Variants in B3GAT2 observed in about 807,000 individuals in gnomAD.
B3GAT2 encodes beta-1,3-glucuronyltransferase 2, also known as galactosylgalactosylxylosylprotein 3-beta-glucuronosyltransferase 2.
B3GAT2 carries 26 observed loss-of-function variants against 27.8 expected under a neutral mutation model. The observed-to-expected ratio is 0.93, with a 90% CI of 0.68 to 1.30. The LOEUF (loss-of-function observed/expected upper bound fraction) is 1.30, where lower values mean the gene tolerates loss of function less well. Among genes scored for constraint, B3GAT2 ranks in the 50% most tolerant of loss-of-function variants. The pLI is 0.00. For synonymous variants in B3GAT2, 218 were observed against 195.1 expected (o/e 1.12, Z -0.98); for missense variants, 458 against 459.0 (o/e 1.00, Z 0.02).
intron 1 of B3GAT2, among the ~76,000 whole-genome samples, chr6:70,946,488 C>T (rs1329520083): frequency 2.0e-5 from 3 of 151,794 alleles, no homozygotes; most frequent in Non-Finnish European, 4.4e-5. Context: ...CAAAGAAGGC[C>T]GTTACATAAC....
intron 1 of B3GAT2, among the ~76,000 whole-genome samples, chr6:70,929,313 T>A (rs1230776552): frequency 1.3e-5 from 2 of 152,074 alleles, no homozygotes; most frequent in Non-Finnish European, 2.9e-5. Flanking sequence ...AACCTGCACA[T>A]TGTGCACATG....
At chr6:70,932,224 T>C (rs971692257) in intron 1 of B3GAT2, among the ~76,000 whole-genome samples, 2 of 152,248 alleles carry the variant, frequency 1.3e-5, no homozygotes, top group East Asian at 1.9e-4. Context: ...GTAACTGCTA[T>C]GGAAAACAGT....
At chr6:70,871,318 G>A (rs2150023769) in intron 2 of B3GAT2, among the ~76,000 whole-genome samples, 1 of 150,108 alleles carries the variant, frequency 6.7e-6, no homozygotes, top group East Asian at 2.0e-4. Context: ...ATTTTTTGGA[G>A]GATTTGTGAA....
intron 2 of B3GAT2, among the ~76,000 whole-genome samples, chr6:70,886,752 G>A (rs1772193718): frequency 6.6e-6 from 1 of 152,146 alleles, no homozygotes; most frequent in South Asian, 2.1e-4. Context: ...ATGCAGACAG[G>A]ACCAGACACA....
chr6:70,900,745 G>C (rs1042754562), intron 1 of B3GAT2, among the ~76,000 whole-genome samples: 2 of 152,168 alleles, frequency 1.3e-5, no homozygotes, highest in Non-Finnish European at 2.9e-5. Flanking sequence ...AATGCCCTTA[G>C]AGCAAAACAG....
chr6:70,884,441 T>C (rs1429340223), intron 2 of B3GAT2, among the ~76,000 whole-genome samples: 1 of 152,198 alleles, frequency 6.6e-6, no homozygotes, highest in Non-Finnish European at 1.5e-5. Context: ...GTTCAAGCTA[T>C]TACCATCAGA....
chr6:70,899,802 T>C (rs1772464668), intron 1 of B3GAT2, among the ~76,000 whole-genome samples: 3 of 152,190 alleles, frequency 2.0e-5, no homozygotes. Flanking sequence ...TCTATGCTCT[T>C]TGAGGATTCC....
chr6:70,935,170 G>T (rs1352392971), intron 1 of B3GAT2, among the ~76,000 whole-genome samples: 1 of 152,124 alleles, frequency 6.6e-6, no homozygotes, highest in Non-Finnish European at 1.5e-5. Context: ...ACGTGGCCAG[G>T]TGTGGTGGCT....
At chr6:70,954,915 C>CGGGG (rs111472599) in intron 1 of B3GAT2, among the ~76,000 whole-genome samples, 1,918 of 114,690 alleles carry the variant, frequency 0.017, 115 homozygotes, top group Middle Eastern at 0.025. Flanking sequence ...CCGGGGGCGG[C>CGGGG]GGGGGGGGGC....
chr6:70,925,432 GGGACAC>G (rs1772937946), intron 1 of B3GAT2, among the ~76,000 whole-genome samples: 1 of 152,156 alleles, frequency 6.6e-6, no homozygotes. Context: ...CTGGAAACTC[GGGACAC>G]TCCCGCCCTA....
intron 1 of B3GAT2, among the ~76,000 whole-genome samples, chr6:70,913,114 C>A (rs1232539980): frequency 6.6e-6 from 1 of 151,894 alleles, no homozygotes; most frequent in East Asian, 1.9e-4. Context: ...TTCAAAGAAC[C>A]AGCTTCTGGT....
Position 70,956,170 on chromosome 6 carries a change from G to A in B3GAT2, c.260C>T (p.Pro87Leu). 6.2e-7 allele frequency: 1 copy of A among 1,610,044 alleles called. No homozygotes were observed. The highest frequency in any genetic ancestry group is 2.2e-5 in the East Asian group (1 of 44,792). Reference sequence around the variant, plus strand: ...TTTCTGCACCGGGCGGCTGTAGGTGGGCGTGATGGCATAGATGGTGGGCAG... The same window carrying A: ...TTTCTGCACCGGGCGGCTGTAGGTGAGCGTGATGGCATAGATGGTGGGCAG... ...PQLPTIYAITPTYSRPVQKAE... is the reference protein window; with the variant it reads ...PQLPTIYAITLTYSRPVQKAE... The change falls in exon 1 of 4, where the codon CCC (proline) becomes CTC (leucine). Residue 87 changes from proline (P) to leucine (L), a missense_variant. Pro to Leu is a moderately conservative substitution (Grantham distance 98, BLOSUM62 -3). Coordinates refer to ENST00000230053, the MANE Select transcript of B3GAT2 (RefSeq NM_080742.3).
rs75905553 is a variant in B3GAT2, at chr6:70,859,203, C to A, written c.*2460G>T. On this transcript the variant is annotated 3_prime_UTR_variant, in exon 4 of 4. Coordinates refer to ENST00000230053, the MANE Select transcript of B3GAT2 (RefSeq NM_080742.3). Reference sequence around the variant, plus strand: ...TATAGGTAAAACATTGGTCTCTACCCGCTGGGAATCTAAAAAATTGTATGT... The same window carrying A: ...TATAGGTAAAACATTGGTCTCTACCAGCTGGGAATCTAAAAAATTGTATGT... The A allele has an allele frequency of 4.9e-4, 295 of 602,724 alleles. 4 individuals carry two copies. In the African/African-American group the frequency reaches 5.2e-3, roughly 11 times the overall value. The allele number at this position is 602,724 out of a possible 1,614,324, so 37.3% of individuals were successfully genotyped here.
At chr6:70,935,909 C>T (rs1429040456) in intron 1 of B3GAT2, among the ~76,000 whole-genome samples, 1 of 151,770 alleles carries the variant, frequency 6.6e-6, no homozygotes, top group Non-Finnish European at 1.5e-5. Context: ...ACAATATTAA[C>T]TTTAAATGTA....
At chr6:70,944,157 G>T (rs1765437945) in intron 1 of B3GAT2, among the ~76,000 whole-genome samples, 1 of 152,174 alleles carries the variant, frequency 6.6e-6, no homozygotes. Flanking sequence ...CGCAGAAGAT[G>T]GGTGATTTCT....
At chr6:70,866,971 T>C (rs1006745798) in intron 2 of B3GAT2, among the ~76,000 whole-genome samples, 1 of 152,076 alleles carries the variant, frequency 6.6e-6, no homozygotes, top group Admixed American at 6.5e-5. Context: ...AAATATGTTT[T>C]CTGACTACAG....
chr6:70,935,041 T>A (rs1304819736), intron 1 of B3GAT2, among the ~76,000 whole-genome samples: 1 of 152,180 alleles, frequency 6.6e-6, no homozygotes, highest in Non-Finnish European at 1.5e-5. Flanking sequence ...CTATATTCTT[T>A]TTGTCATTGT....
At chr6:70,908,315 G>A (rs1335278401) in intron 1 of B3GAT2, among the ~76,000 whole-genome samples, 3 of 152,190 alleles carry the variant, frequency 2.0e-5, no homozygotes, top group Non-Finnish European at 4.4e-5. Flanking sequence ...CAGGAAAGTG[G>A]AAGCTTTCCA....
chr6:70,923,187 G>A (rs1311739735), intron 1 of B3GAT2, among the ~76,000 whole-genome samples: 1 of 152,138 alleles, frequency 6.6e-6, no homozygotes, highest in Admixed American at 6.5e-5. Context: ...CTAGTACCAG[G>A]TAAACAGTGG....
Sources: allele counts gnomAD v4.1 joint callset (sites outside exome capture counted in the v4.1 genomes callset), GRCh38; gene constraint gnomAD v4.1.1; transcripts MANE v1.5; gene names NCBI Gene and HGNC (gene_info 2026-07-23, HGNC 2026-07-21).